The following FYCO1 variants were observed in gnomAD, a reference collection of about 807,000 sequenced individuals.
FYCO1 encodes FYVE and coiled-coil domain-containing protein 1.
FYCO1 carries 122 observed loss-of-function variants against 165.1 expected under a neutral mutation model. The observed-to-expected ratio is 0.74, with a 90% confidence interval of 0.64 to 0.86. FYCO1 has a LOEUF of 0.86. FYCO1 is among the 40% of genes least tolerant of loss of function. FYCO1 has a pLI of 0.00. For missense variants in FYCO1, 1,702 were observed against 1,810.3 expected, an observed-to-expected ratio of 0.94 and a Z score of 1.09; for synonymous variants, 648 against 742.5, an observed-to-expected ratio of 0.87 and a Z score of 2.07.
intron 14 of FYCO1, chr3:45,946,769 G>A (rs952643808): frequency 9.3e-6 from 15 of 1,614,220 alleles, no homozygotes; most frequent in Non-Finnish European, 1.2e-5. Context: ...ATGAATGGGT[G>A]TTTGGCCAGG....
chr3:45,927,793 G>A (rs1462168898), intron 16 of FYCO1, among the ~76,000 whole-genome samples: 4 of 152,238 alleles, frequency 2.6e-5, no homozygotes, highest in Non-Finnish European at 1.5e-5. Flanking sequence ...ATGGGAAGGA[G>A]CTGCTGGAGG....
In FYCO1 at chr3:45,966,488, C is replaced by T. The variant is rs138529231; in HGVS notation, c.2846G>A (p.Arg949His). Residue 949 changes from arginine to histidine, a missense_variant, in exon 8 of 18, where the codon CGC becomes CAC. Physicochemically the swap from Arg to His is conservative, Grantham distance 29. Coordinates refer to ENST00000296137, the MANE Select transcript of FYCO1 (RefSeq NM_024513.4). ...AASREREGLE[R>H]QVAGLQQEKE... ...CTCTTGCTGCAGCCCAGCTACTTGG[C>T]GCTCCAGGCCCTCTCGCTCCCTTGA... 1.7e-5 allele frequency: 28 copies of T among 1,609,706 alleles called. No homozygotes were observed. Among genetic ancestry groups the T allele is most frequent in the African/African-American group, 1.6e-4 (12 of 74,972 alleles).
chr3:45,976,855 G>A (rs1026864043), intron 4 of FYCO1, among the ~76,000 whole-genome samples: 7 of 152,162 alleles, frequency 4.6e-5, no homozygotes, highest in Non-Finnish European at 1.0e-4. Context: ...ACAAAAAGGT[G>A]TTAACTCTCT....
rs1325758463 is a variant in FYCO1, at chr3:45,962,662, G to C, written c.3270-270C>G. On this transcript the variant is annotated intron_variant, in intron 10 of 17. Transcript: ENST00000296137. The surrounding 1 kb of genome is among the most constrained non-coding windows in gnomAD (Gnocchi z 4.4). ...TAGAACTCTGCACCCCTTGGCTCCT[G>C]GACAGGGGCTGGGCTTGCAAGAGAA... 6.6e-6 allele frequency among the ~76,000 whole-genome samples: 1 copy of C among 152,220 alleles called. No individual in the cohort carries two copies. The highest frequency in any genetic ancestry group is 1.5e-5 in the Non-Finnish European group (1 of 68,042).
intron 13 of FYCO1, 50 bp downstream of exon 13, chr3:45,958,355 GGGA>G (rs1194527298): frequency 6.7e-7 from 1 of 1,500,890 alleles, no homozygotes; most frequent in Non-Finnish European, 9.2e-7. Context: ...ACATCGGTAG[GGGA>G]GGAAGTGGCA....
At chr3:45,957,333 G>A (rs1022959010) in intron 13 of FYCO1, among the ~76,000 whole-genome samples, 15 of 152,268 alleles carry the variant, frequency 9.9e-5, no homozygotes, top group Admixed American at 7.2e-4. Flanking sequence ...TGAGTCCTTG[G>A]GCTAAGTAAA....
At chr3:45,945,517 G>A (rs1704532365) in intron 14 of FYCO1, 1 of 152,250 alleles carries the variant, frequency 6.6e-6, no homozygotes, top group Admixed American at 6.5e-5. Context: ...GGTGCCCTGG[G>A]TAAGAAAGGT....
intron 6 of FYCO1, among the ~76,000 whole-genome samples, chr3:45,970,007 A>C (rs943647403): frequency 6.6e-6 from 1 of 152,252 alleles, no homozygotes; most frequent in Non-Finnish European, 1.5e-5. Context: ...GAATTAAGTG[A>C]ACATGTATTT....
intron 15 of FYCO1, 149 bp from the exon 16 acceptor site, chr3:45,931,430 A>G (rs1703623877): frequency 5.5e-6 from 4 of 726,350 alleles, no homozygotes. Context: ...ATGCTTAATT[A>G]TGGGATGGGC....
chr3:45,951,241 C>T (rs1705005304), intron 14 of FYCO1, among the ~76,000 whole-genome samples: 1 of 152,150 alleles, frequency 6.6e-6, no homozygotes, highest in Non-Finnish European at 1.5e-5. Flanking sequence ...AGACACTGGG[C>T]TGGGCTCAGT....
intron 14 of FYCO1, chr3:45,946,395 G>C: frequency 8.2e-7 from 1 of 1,212,570 alleles, no homozygotes; most frequent in Non-Finnish European, 1.2e-6. Flanking sequence ...GTGGTCAATG[G>C]GATAGCAGGA....
At chr3:45,989,725 C>T (rs1412217579) in intron 1 of FYCO1, among the ~76,000 whole-genome samples, 5 of 152,326 alleles carry the variant, frequency 3.3e-5, no homozygotes, top group African/African-American at 7.2e-5. Context: ...CTTCCCCCCA[C>T]CAACAATAGC....
chr3:45,930,984 G>T (rs763221252), intron 16 of FYCO1, 87 bp downstream of exon 16: 66 of 1,215,788 alleles, frequency 5.4e-5, no homozygotes, highest in Non-Finnish European at 7.5e-5. Context: ...CAGAGGATAG[G>T]ATGGCCACTG....
intron 5 of FYCO1, 144 bp from the exon 6 acceptor site, chr3:45,973,375 T>C: frequency 1.3e-6 from 1 of 774,724 alleles, no homozygotes; most frequent in Non-Finnish European, 2.2e-6. Flanking sequence ...TTCATTTTCA[T>C]GGTAGAAGAA....
At position 45,968,566 on chromosome 3, in the gene FYCO1, C is replaced by A; in HGVS notation, c.768G>T (p.Leu256=). ...EKQLRERMQQ[L]DRENQELRAA... ...CCCTCAGCTCCTGGTTCTCTCTGTC[C>A]AGCTGCTGCATGCGCTCCCGTAGCT... Residue 256 remains leucine, a synonymous_variant, in exon 8 of 18, where the codon CTG becomes CTT. Transcript: ENST00000296137. 6.2e-7 allele frequency: 1 copy of A among 1,613,972 alleles called. No homozygotes were observed. Among genetic ancestry groups the A allele is most frequent in the South Asian group, 1.1e-5 (1 of 91,088 alleles).
rs949359929 is a variant in FYCO1 at position 45,964,336 on chromosome 3, C to G, written c.3269G>C (p.Arg1090Thr). Residue 1090 changes from arginine (R) to threonine (T), a missense_variant and splice_region_variant, in exon 10 of 18, where the codon AGG (arginine) becomes ACG (threonine). By Grantham distance (71) the Arg-to-Thr change is moderately conservative. Transcript: ENST00000296137. The surrounding 1 kb of genome is among the most constrained non-coding windows in gnomAD (Gnocchi z 4.1). ...EGAALREDLE[R>T]TQKELEKATT... ...GCTACGTAGGTGGACTGTGACTAAC[C>G]TTTCTAGGTCTTCACGCAGGGCAGC... The G allele has an allele frequency of 2.5e-6, 4 of 1,612,126 alleles. No homozygotes were observed. Among genetic ancestry groups the G allele is most frequent in the Non-Finnish European group, 3.4e-6 (4 of 1,178,158 alleles).
rs1702980252 is a variant in FYCO1 at position 45,918,265 on chromosome 3, C to G, written c.*3500G>C. The G allele has an allele frequency of 6.6e-6, 1 of 152,314 alleles. No individual in the cohort carries two copies. Among genetic ancestry groups the G allele is most frequent in the African/African-American group, 2.4e-5 (1 of 41,374 alleles). The allele number at this position is 152,314 out of a possible 1,614,324, so 9.4% of individuals were successfully genotyped here. A position where few individuals can be genotyped will look rare whatever the true frequency, so the allele number is the denominator to read the frequency against. ...TTTTTCTTTTTTTAAATCAGAGATG[C>G]CTCCCCAAATTTCAAGATGTACTTT... On this transcript the variant is annotated 3_prime_UTR_variant, in exon 18 of 18. Transcript: ENST00000296137.
chr3:45,970,892 T>A (rs1706406202), intron 6 of FYCO1, among the ~76,000 whole-genome samples: 1 of 151,640 alleles, frequency 6.6e-6, no homozygotes, highest in Non-Finnish European at 1.5e-5. Context: ...ACTATATATA[T>A]ATACATATAT....
At chr3:45,970,734 T>C (rs6772596) in intron 6 of FYCO1, among the ~76,000 whole-genome samples, 3,743 of 152,132 alleles carry the variant, frequency 0.025, 154 homozygotes, top group African/African-American at 0.082. Flanking sequence ...TGGGCTGTGC[T>C]TTGCCAACCC....
Sources: allele counts gnomAD v4.1 joint callset (sites outside exome capture counted in the v4.1 genomes callset), GRCh38; gene constraint gnomAD v4.1.1; non-coding constraint Gnocchi (gnomAD v3.1); transcripts MANE v1.5; gene names NCBI Gene and HGNC (gene_info 2026-07-23, HGNC 2026-07-21).